Variants in NPHP4 observed in about 807,000 individuals in gnomAD.
NPHP4 encodes nephrocystin 4, also known as nephrocystin-4.
NPHP4 carries 151 observed loss-of-function variants against 155.8 expected under a neutral mutation model. The ratio of observed to expected loss-of-function variants is 0.97; its 90% confidence interval spans 0.85 to 1.11. NPHP4 has a LOEUF of 1.11. Among genes scored for constraint, NPHP4 ranks in the 50% least tolerant of loss-of-function variants. The probability of loss-of-function intolerance (pLI) is 0.00; values close to 1 mark genes in which losing one functional copy is unlikely to be tolerated. For missense variants in NPHP4, 1,956 were observed against 1,925.7 expected (o/e 1.02, Z -0.29); for synonymous variants, 845 against 816.8 (o/e 1.03, Z -0.59).
chr1:5,887,171 G>A (rs1235802918), intron 18 of NPHP4, 115 bp downstream of exon 18: 36 of 994,314 alleles, frequency 3.6e-5, no homozygotes, highest in Middle Eastern at 2.6e-4. Flanking sequence ...GAATTCTCCC[G>A]GTTTCCTCCT....
intron 25 of NPHP4, 71 bp downstream of exon 25, chr1:5,866,959 G>A (rs1379863267): frequency 4.4e-5 from 51 of 1,170,456 alleles, no homozygotes; most frequent in South Asian, 1.7e-4. Context: ...CAGGATACCC[G>A]TGGGGAAGCC....
chr1:5,909,431 G>A lies in NPHP4; in HGVS notation c.1442-218C>T, dbSNP rs1279078928. 3.3e-5 allele frequency among the ~76,000 whole-genome samples: 5 copies of A among 152,198 alleles called. No homozygotes were observed. The South Asian group carries it at 1.0e-3, about 32-fold the overall frequency. On this transcript the variant is annotated intron_variant, in intron 11 of 29. Transcript: ENST00000378156. ...CCCTGGCATGCACCAGCAGCCAGGA[G>A]AGGGGGTACAGCTGGCCTCGTCCTC...
In NPHP4 at chr1:5,969,164, T is replaced by C. The variant is rs1427850800; in HGVS notation, c.375A>G (p.Thr125=). The change falls in exon 4 of 30, where the codon ACA becomes ACG. Residue 125 remains threonine (T), a synonymous_variant. Coordinates refer to ENST00000378156, the MANE Select transcript of NPHP4 (RefSeq NM_015102.5). ...GAAGAATTCCAAACCCACAGGACAA[T>C]GTCTGGAGGCTCCCATCCCGTTTCT... The part of the protein sequence containing the change: ...EGKKRDGSLQ[T]LSCGFGILRI... The C allele has an allele frequency of 1.3e-6, 2 of 1,559,418 alleles. No individual in the cohort carries two copies. Among genetic ancestry groups the C allele is most frequent in the Admixed American group, 1.9e-5 (1 of 51,946 alleles).
intron 11 of NPHP4, among the ~76,000 whole-genome samples, chr1:5,911,815 G>T (rs1645191179): frequency 6.6e-6 from 1 of 152,196 alleles, no homozygotes; most frequent in Non-Finnish European, 1.5e-5. Flanking sequence ...GTTCGATGTG[G>T]TTATGGGTTA....
At chr1:5,925,495 A>G (rs948441611) in intron 11 of NPHP4, among the ~76,000 whole-genome samples, 19 of 152,244 alleles carry the variant, frequency 1.2e-4, no homozygotes, top group Admixed American at 3.3e-4. Context: ...TCCGTTTTTC[A>G]TAATTATGTT....
At chr1:5,907,666 A>G (rs1002940659) in intron 12 of NPHP4, among the ~76,000 whole-genome samples, 1 of 151,018 alleles carries the variant, frequency 6.6e-6, no homozygotes, top group Non-Finnish European at 1.5e-5. Context: ...GGCTCTGGAG[A>G]CAGCTGTGGA....
rs773314278 is a variant in NPHP4, at chr1:5,863,225, C to A, written c.*40G>T. On this transcript the variant is annotated 3_prime_UTR_variant, in exon 30 of 30. Transcript: ENST00000378156. Reference sequence around the variant, plus strand: ...CAGGGCAGGAGGGGCACAGACAGGCCCCAGCTGGGTGCCGCAGGAAGGACG... The same window carrying A: ...CAGGGCAGGAGGGGCACAGACAGGCACCAGCTGGGTGCCGCAGGAAGGACG... 1 of 1,612,792 alleles carries A rather than the reference C, an allele frequency of 6.2e-7. No individual in the cohort carries two copies. Among genetic ancestry groups the A allele is most frequent in the Non-Finnish European group, 8.5e-7 (1 of 1,178,822 alleles).
rs1337523347 is a variant in NPHP4, at chr1:5,867,816, C to T, written c.3396G>A (p.Gln1132=). The T allele has an allele frequency of 1.2e-6, 2 of 1,613,612 alleles. No homozygotes were observed. Among genetic ancestry groups the T allele is most frequent in the Admixed American group, 1.7e-5 (1 of 60,030 alleles). The change falls in exon 24 of 30, where the codon CAG becomes CAA. Residue 1132 remains glutamine, a synonymous_variant. Coordinates refer to ENST00000378156, the MANE Select transcript of NPHP4 (RefSeq NM_015102.5). The surrounding 1 kb of genome is among the most constrained non-coding windows in gnomAD (Gnocchi z 4.1). The part of the protein sequence containing the change: ...TVELQPHVVD[Q]VFRFYHPELS... ...GCTCCGGGTGATAGAAGCGGAAGAC[C>T]TGGTCCACCACGTGGGGCTGCAGCT...
At chr1:5,957,511 C>T (rs1367814481) in intron 6 of NPHP4, among the ~76,000 whole-genome samples, 1 of 152,174 alleles carries the variant, frequency 6.6e-6, no homozygotes, top group East Asian at 1.9e-4. Flanking sequence ...AACAAGACCG[C>T]TGCAACAGTG....
At position 5,874,498 on chromosome 1, in the gene NPHP4, G is replaced by GCT; in HGVS notation, c.3203_3204insAG (p.Phe1068LeufsTer16). ...GCACCATGGCCAGCTGCCCTGCAGAGAAGCTCTGGAACTTGAAGGGGACGT... is the reference window on the plus strand; with the variant it reads ...GCACCATGGCCAGCTGCCCTGCAGAGCTAAGCTCTGGAACTTGAAGGGGACGT... On this transcript the variant is annotated frameshift_variant, in exon 22 of 30. Transcript: ENST00000378156. LOFTEE classifies it high-confidence loss of function. 6.4e-7 allele frequency: 1 copy of GCT among 1,567,448 alleles called. No homozygotes were observed. The highest frequency in any genetic ancestry group is 8.7e-7 in the Non-Finnish European group (1 of 1,154,324).
At position 5,910,097 on chromosome 1, in the gene NPHP4, C is replaced by T. The variant is rs969138495; in HGVS notation, c.1442-884G>A. Among the ~76,000 whole-genome samples the T allele has an allele frequency of 1.3e-5, 2 of 152,232 alleles. No individual in the cohort carries two copies. The highest frequency in any genetic ancestry group is 2.9e-5 in the Non-Finnish European group (2 of 68,050). ...AGCGTCCATAGCCACTCGTCTCTTA[C>T]GGTCATTTCACATACACTGCCATTT... On this transcript the variant is annotated intron_variant, in intron 11 of 29. Coordinates refer to ENST00000378156, the MANE Select transcript of NPHP4 (RefSeq NM_015102.5). This position sits in a 1 kb window ranked among gnomAD's most constrained non-coding sequence, Gnocchi z 5.4.
chr1:5,906,071 G>A (rs943047335), intron 13 of NPHP4, among the ~76,000 whole-genome samples: 1 of 152,216 alleles, frequency 6.6e-6, no homozygotes, highest in African/African-American at 2.4e-5. Flanking sequence ...GCAATCCAAT[G>A]TGTGAGTTGA....
intron 11 of NPHP4, among the ~76,000 whole-genome samples, chr1:5,913,965 C>T (rs1334674151): frequency 3.3e-5 from 5 of 152,206 alleles, no homozygotes; most frequent in East Asian, 1.9e-4. Flanking sequence ...ACCCCATGGC[C>T]GCCAGGCACG....
At chr1:5,919,394 T>TA (rs1460593337) in intron 11 of NPHP4, among the ~76,000 whole-genome samples, 17 of 152,364 alleles carry the variant, frequency 1.1e-4, no homozygotes, top group Middle Eastern at 6.8e-3. Flanking sequence ...CACATGCAGC[T>TA]ACCCTCACTA....
intron 16 of NPHP4, among the ~76,000 whole-genome samples, chr1:5,904,164 G>C (rs1446575983): frequency 6.6e-6 from 1 of 152,208 alleles, no homozygotes; most frequent in Non-Finnish European, 1.5e-5. Context: ...ACTGCAGACA[G>C]AGACTGAAGA....
At chr1:5,921,599 G>A (rs923951679) in intron 11 of NPHP4, among the ~76,000 whole-genome samples, 1 of 152,158 alleles carries the variant, frequency 6.6e-6, no homozygotes, top group African/African-American at 2.4e-5. Flanking sequence ...ATTTGTTTAT[G>A]GTTATTGGTT....
At chr1:5,919,117 G>A (rs1645613014) in intron 11 of NPHP4, among the ~76,000 whole-genome samples, 1 of 152,206 alleles carries the variant, frequency 6.6e-6, no homozygotes, top group African/African-American at 2.4e-5. Context: ...GCGGAGATGA[G>A]TAGCTGTGAC....
chr1:5,977,073 A>G (rs1653733753), intron 3 of NPHP4, among the ~76,000 whole-genome samples: 2 of 152,108 alleles, frequency 1.3e-5, no homozygotes, highest in African/African-American at 4.8e-5. Flanking sequence ...TGTTGCCTCC[A>G]CACTGTCCCT....
chr1:5,888,048 G>A (rs1423399497), intron 17 of NPHP4, among the ~76,000 whole-genome samples: 1 of 152,174 alleles, frequency 6.6e-6, no homozygotes, highest in Non-Finnish European at 1.5e-5. Context: ...GTAGAGGCCC[G>A]TGGGGCCCAG....
Sources: allele counts gnomAD v4.1 joint callset (sites outside exome capture counted in the v4.1 genomes callset), GRCh38; gene constraint gnomAD v4.1.1; non-coding constraint Gnocchi (gnomAD v3.1); transcripts MANE v1.5; gene names NCBI Gene and HGNC (gene_info 2026-07-23, HGNC 2026-07-21).